DGKB: variants seen among roughly 807,000 people sequenced by gnomAD.
DGKB encodes the protein diacylglycerol kinase beta, also known as 90 kDa diacylglycerol kinase.
DGKB carries 67 observed loss-of-function variants against 114.3 expected under a neutral mutation model. That is an observed-to-expected ratio of 0.59 (90% CI 0.48 to 0.72). The LOEUF (loss-of-function observed/expected upper bound fraction) is 0.72. DGKB is among the 30% of genes least tolerant of loss of function. The pLI is 0.00. For missense variants in DGKB, 907 were observed against 975.2 expected (o/e 0.93, Z 0.93); for synonymous variants, 398 against 323.1 (o/e 1.23, Z -2.49).
At chr7:14,842,735 T>C (rs1157826672) in intron 1 of DGKB, among the ~76,000 whole-genome samples, 3 of 122,640 alleles carry the variant, frequency 2.4e-5, no homozygotes, top group African/African-American at 6.7e-5. Context: ...CAGATGATTC[T>C]GTCACATTGG....
intron 2 of DGKB, among the ~76,000 whole-genome samples, chr7:14,810,776 C>T (rs1403724187): frequency 6.6e-6 from 1 of 151,998 alleles, no homozygotes; most frequent in African/African-American, 2.4e-5. Context: ...GCCAGGCTAC[C>T]ATTTGTATTT....
Position 14,855,157 on chromosome 7 carries a change from G to A in DGKB, c.-187-13707C>T, listed in dbSNP as rs539134170. Among the ~76,000 whole-genome samples the A allele has an allele frequency of 5.3e-5, 8 of 152,270 alleles. No homozygotes were observed. In the East Asian group the frequency reaches 1.4e-3, roughly 26 times the overall value. On this transcript the variant is annotated intron_variant, in intron 1 of 25. Transcript: ENST00000402815. ...TTAAATTAGGTCTATCTCAAAAAAA[G>A]ATTGGTGAACAGCAGCAGCTGTTTG...
intron 21 of DGKB, among the ~76,000 whole-genome samples, chr7:14,445,193 T>G (rs542371133): frequency 6.6e-6 from 1 of 151,960 alleles, no homozygotes; most frequent in South Asian, 2.1e-4. Context: ...CTCCTCACCA[T>G]AATGTATAGA....
chr7:14,254,593 TAATA>T (rs1795696574), intron 23 of DGKB, among the ~76,000 whole-genome samples: 1 of 103,614 alleles, frequency 9.7e-6, no homozygotes, highest in African/African-American at 4.9e-5. Flanking sequence ...TAAACTGTTG[TAATA>T]TATATTGGAA....
chr7:14,157,283 C>A (rs10261123), intron 25 of DGKB, among the ~76,000 whole-genome samples: 2,561 of 151,640 alleles, frequency 0.017, 67 homozygotes, highest in African/African-American at 0.058. Context: ...CATATGACAG[C>A]GGGAATAAAG....
At chr7:14,647,729 G>A (rs1319448188) in intron 13 of DGKB, among the ~76,000 whole-genome samples, 2 of 152,178 alleles carry the variant, frequency 1.3e-5, no homozygotes, top group East Asian at 3.9e-4. Context: ...TCCATCTGAG[G>A]TACCGGGTTC....
intron 23 of DGKB, among the ~76,000 whole-genome samples, chr7:14,233,148 A>G (rs1792178621): frequency 1.3e-5 from 2 of 152,064 alleles, no homozygotes; most frequent in Admixed American, 1.3e-4. Flanking sequence ...ATCCCTCAAG[A>G]CAATGCAAGC....
chr7:14,357,353 G>A (rs1814765559), intron 21 of DGKB, among the ~76,000 whole-genome samples: 2 of 152,142 alleles, frequency 1.3e-5, no homozygotes, highest in Non-Finnish European at 2.9e-5. Flanking sequence ...TTACGTAATG[G>A]CCTTCTTTGT....
intron 23 of DGKB, among the ~76,000 whole-genome samples, chr7:14,298,934 A>G (rs1803039857): frequency 6.6e-6 from 1 of 152,342 alleles, no homozygotes; most frequent in African/African-American, 2.4e-5. Context: ...CAGCAAACAT[A>G]TGAAAAAAAG....
At chr7:14,216,180 G>T (rs1488726132) in intron 23 of DGKB, among the ~76,000 whole-genome samples, 1 of 152,066 alleles carries the variant, frequency 6.6e-6, no homozygotes, top group Admixed American at 6.6e-5. Context: ...AATAGAACAA[G>T]AAGAAGAAAT....
intron 7 of DGKB, among the ~76,000 whole-genome samples, chr7:14,699,569 TAAC>T (rs933758114): frequency 2.0e-5 from 3 of 152,234 alleles, no homozygotes; most frequent in African/African-American, 7.2e-5. Context: ...CAACAAATCT[TAAC>T]TATTATTATT....
At chr7:14,854,921 A>C (rs905235994) in intron 1 of DGKB, among the ~76,000 whole-genome samples, 1 of 151,690 alleles carries the variant, frequency 6.6e-6, no homozygotes, top group Non-Finnish European at 1.5e-5. Flanking sequence ...AGAATGATTT[A>C]AAAAAATGAA....
chr7:14,341,897 T>C (rs1331672034), intron 22 of DGKB, among the ~76,000 whole-genome samples: 1 of 151,946 alleles, frequency 6.6e-6, no homozygotes, highest in African/African-American at 2.4e-5. Context: ...ATACAATTAA[T>C]GATAAACTGT....
intron 2 of DGKB, among the ~76,000 whole-genome samples, chr7:14,758,151 T>C (rs901977020): frequency 6.6e-6 from 1 of 152,088 alleles, no homozygotes; most frequent in African/African-American, 2.4e-5. Flanking sequence ...TTACCCTATA[T>C]ATGCATTACG....
chr7:14,278,353 A>G (rs757759232), intron 23 of DGKB, among the ~76,000 whole-genome samples: 4 of 152,206 alleles, frequency 2.6e-5, no homozygotes, highest in African/African-American at 9.6e-5. Flanking sequence ...TTTATGGTCA[A>G]TTGATTTTAG....
chr7:14,581,826 T>C (rs1476982517), intron 18 of DGKB, among the ~76,000 whole-genome samples: 1 of 152,176 alleles, frequency 6.6e-6, no homozygotes, highest in Admixed American at 6.6e-5. Context: ...CTAAAATCCT[T>C]ACAAGTCCTC....
At chr7:14,520,614 A>G (rs566652621) in intron 20 of DGKB, among the ~76,000 whole-genome samples, 2 of 150,964 alleles carry the variant, frequency 1.3e-5, no homozygotes, top group Admixed American at 1.3e-4. Context: ...TTTAATTTTT[A>G]CTCTTTGTTG....
intron 21 of DGKB, among the ~76,000 whole-genome samples, chr7:14,439,961 G>A (rs1320343963): frequency 6.6e-6 from 1 of 151,580 alleles, no homozygotes; most frequent in Non-Finnish European, 1.5e-5. Context: ...GTTACTACTT[G>A]AGACCATCAT....
intron 1 of DGKB, among the ~76,000 whole-genome samples, chr7:14,898,492 G>A (rs6966072): frequency 0.034 from 5,167 of 152,050 alleles, 284 homozygotes; most frequent in African/African-American, 0.12. Context: ...ATCCCATAAG[G>A]GTATGATCAA....
Sources: gnomAD v4.1 joint callset for allele counts (sites outside exome capture counted in the v4.1 genomes callset) on GRCh38, gnomAD v4.1.1 for gene constraint, MANE v1.5 for transcripts, NCBI Gene and HGNC (gene_info 2026-07-23, HGNC 2026-07-21) for gene names.